The following ASB18 variants were observed in gnomAD, a reference collection of about 807,000 sequenced individuals.
The protein encoded by ASB18 is ankyrin repeat and SOCS box containing 18.
ASB18 carries 33 observed loss-of-function variants against 33.4 expected under a neutral mutation model. The ratio of observed to expected loss-of-function variants is 0.99; its 90% CI spans 0.75 to 1.32. The LOEUF is 1.32. Among genes scored for constraint, ASB18 ranks in the 40% most tolerant of loss-of-function variants. The probability of loss-of-function intolerance (pLI) is 0.00; values close to 1 mark genes in which losing one functional copy is unlikely to be tolerated. For missense variants in ASB18, 694 were observed against 655.5 expected (o/e 1.06, Z -0.64); for synonymous variants, 295 against 307.6 (o/e 0.96, Z 0.43).
At position 236,264,118 on chromosome 2, in the gene ASB18, T is replaced by TGCAGCAGGCTCGTTCTGGTTACCTA; in HGVS notation, c.203_205+22dup. On this transcript the variant is annotated intron_variant, in intron 1 of 5. Coordinates refer to ENST00000409749, the MANE Select transcript of ASB18 (RefSeq NM_212556.4). This position sits in a 1 kb window ranked among gnomAD's most constrained non-coding sequence, Gnocchi z 5.1. ...TGTAACTTAGTAATTAAATCCCAGA[T>TGCAGCAGGCTCGTTCTGGTTACCTA]GCAGCAGGCTCGTTCTGGTTACCTA... 11 of 1,609,302 alleles carry TGCAGCAGGCTCGTTCTGGTTACCTA rather than the reference T, an allele frequency of 6.8e-6. No individual in the cohort carries two copies. The highest frequency in any genetic ancestry group is 1.3e-5 in the African/African-American group (1 of 74,970).
rs950067315 is a variant in ASB18 at position 236,251,574 on chromosome 2, T to C, written c.206-10172A>G. On this transcript the variant is annotated intron_variant, in intron 1 of 5. Transcript: ENST00000409749. The surrounding 1 kb of genome is among the most constrained non-coding windows in gnomAD (Gnocchi z 5.3). ...CTTCTAGAAACGAGAAGTTTACCTA[T>C]CCTGAAGTTGAGAAGGGTGGTCTAG... Among the ~76,000 whole-genome samples, 1 of 152,186 alleles carries C rather than the reference T, an allele frequency of 6.6e-6. No homozygotes were observed. The highest frequency in any genetic ancestry group is 6.5e-5 in the Admixed American group (1 of 15,278).
intron 4 of ASB18, among the ~76,000 whole-genome samples, chr2:236,202,814 T>TATATATACACAC (rs1472095135): frequency 3.2e-5 from 4 of 126,558 alleles, no homozygotes; most frequent in African/African-American, 1.3e-4. Context: ...TATATATATA[T>TATATATACACAC]ACACACACCT....
At position 236,200,276 on chromosome 2, in the gene ASB18, G is replaced by A. The variant is rs988917354; in HGVS notation, c.1102-3891C>T. On this transcript the variant is annotated intron_variant, in intron 4 of 5. Coordinates refer to ENST00000409749, the MANE Select transcript of ASB18 (RefSeq NM_212556.4). The surrounding 1 kb of genome is among the most constrained non-coding windows in gnomAD (Gnocchi z 4.2). ...AGGTAGGAGAATTGCTTGAATCCAG[G>A]AGGTGGAGGTTGCAGTGAGCTGAGA... Among the ~76,000 whole-genome samples, 1 of 152,166 alleles carries A rather than the reference G, an allele frequency of 6.6e-6. No homozygotes were observed. Among genetic ancestry groups the A allele is most frequent in the Non-Finnish European group, 1.5e-5 (1 of 68,024 alleles).
At chr2:236,246,610 G>T (rs1014645825) in intron 1 of ASB18, among the ~76,000 whole-genome samples, 6 of 151,982 alleles carry the variant, frequency 3.9e-5, no homozygotes, top group African/African-American at 1.5e-4. Context: ...GGAACTTAGA[G>T]CCTTCGTTGG....
intron 4 of ASB18, among the ~76,000 whole-genome samples, chr2:236,198,201 C>T (rs911498706): frequency 2.6e-5 from 4 of 152,126 alleles, no homozygotes; most frequent in African/African-American, 9.7e-5. Context: ...ATTCATATTC[C>T]TCTGGCTAGA....
In ASB18 at chr2:236,259,265, G is replaced by C. The variant is rs141285704; in HGVS notation, c.205+4876C>G. Among the ~76,000 whole-genome samples, 51 of 152,346 alleles carry C rather than the reference G, an allele frequency of 3.3e-4. No individual in the cohort carries two copies. Among genetic ancestry groups the C allele is most frequent in the African/African-American group, 1.1e-3 (44 of 41,592 alleles). On this transcript the variant is annotated intron_variant, in intron 1 of 5. Coordinates refer to ENST00000409749, the MANE Select transcript of ASB18 (RefSeq NM_212556.4). This position sits in a 1 kb window ranked among gnomAD's most constrained non-coding sequence, Gnocchi z 4.4. ...TGGAAATGCAGTCTGTGCCCACCCAGCTGAAGGTGAGCAAAGGAGCTTAGC... is the reference window on the plus strand; with the variant it reads ...TGGAAATGCAGTCTGTGCCCACCCACCTGAAGGTGAGCAAAGGAGCTTAGC...
In ASB18 at chr2:236,213,875, G is replaced by A. The variant is rs1235427066; in HGVS notation, c.1101+487C>T. ...TGAGAGAAGTCTGCAAATGTACGAA[G>A]CACTCTCATTAACAAGGTGGATGAT... On this transcript the variant is annotated intron_variant, in intron 4 of 5. Coordinates refer to ENST00000409749, the MANE Select transcript of ASB18 (RefSeq NM_212556.4). This position sits in a 1 kb window ranked among gnomAD's most constrained non-coding sequence, Gnocchi z 4.8. 1 of 164,306 alleles carries A rather than the reference G, an allele frequency of 6.1e-6. No homozygotes were observed. The highest frequency in any genetic ancestry group is 1.3e-5 in the Non-Finnish European group (1 of 75,458). 10.2% of individuals were successfully genotyped at this position (164,306 alleles called of 1,614,324 possible). A position where few individuals can be genotyped will look rare whatever the true frequency, so the allele number is the denominator to read the frequency against.
In ASB18 at chr2:236,216,650, C is replaced by T. The variant is rs1234136240; in HGVS notation, c.597-1784G>A. ...TCACTGTCCTTTGTTGAGGCCACAT[C>T]GTTTCTCGGAATGCTTATAAGTCTC... On this transcript the variant is annotated intron_variant, in intron 3 of 5. Transcript: ENST00000409749. The surrounding 1 kb of genome is among the most constrained non-coding windows in gnomAD (Gnocchi z 6.1). Among the ~76,000 whole-genome samples the T allele has an allele frequency of 6.6e-6, 1 of 152,196 alleles. No individual in the cohort carries two copies. The highest frequency in any genetic ancestry group is 2.4e-5 in the African/African-American group (1 of 41,456).
chr2:236,194,842 A>G lies in ASB18; in HGVS notation c.*30T>C, dbSNP rs770980139. On this transcript the variant is annotated 3_prime_UTR_variant, in exon 6 of 6. Transcript: ENST00000409749. This position sits in a 1 kb window ranked among gnomAD's most constrained non-coding sequence, Gnocchi z 4.5. Reference sequence around the variant, plus strand: ...CCTCCATGGAAGGTCAGCGAGGAGAACAACAGTATTGGTTGCAGCGTTCTG... The same window carrying G: ...CCTCCATGGAAGGTCAGCGAGGAGAGCAACAGTATTGGTTGCAGCGTTCTG... 2 of 1,592,032 alleles carry G rather than the reference A, an allele frequency of 1.3e-6. No homozygotes were observed. Among genetic ancestry groups the G allele is most frequent in the South Asian group, 1.1e-5 (1 of 87,644 alleles).
chr2:236,212,490 G>T lies in ASB18; in HGVS notation c.1101+1872C>A, dbSNP rs575223063. ...GGCTAACAAAGGATTATTTCTAGTC[G>T]CTACTGAAATATATTGACTCCTTTT... On this transcript the variant is annotated intron_variant, in intron 4 of 5. Transcript: ENST00000409749. Among the ~76,000 whole-genome samples, 59 of 152,242 alleles carry T rather than the reference G, an allele frequency of 3.9e-4. 1 individual carries two copies. The highest frequency in any genetic ancestry group is 2.8e-3 in the Admixed American group (43 of 15,298).
rs1030515431 is a variant in ASB18, at chr2:236,214,634, C to T, written c.829G>A (p.Ala277Thr). Reference protein sequence around the residue: ...DEHGRCLRLCALLLRRGAEAD... With the variant: ...DEHGRCLRLCTLLLRRGAEAD... ...TCCGCCCCGCGCCGCAGCAGCAGCG[C>T]GCACAGGCGCAGGCAGCGCCCGTGC... Residue 277 changes from alanine to threonine, a missense_variant, in exon 4 of 6, where the codon GCG becomes ACG. Transcript: ENST00000409749. This position sits in a 1 kb window ranked among gnomAD's most constrained non-coding sequence, Gnocchi z 6.5. The T allele has an allele frequency of 1.0e-3, 1,186 of 1,181,256 alleles. 1 individual carries two copies. Among genetic ancestry groups the T allele is most frequent in the Admixed American group, 3.1e-3 (66 of 21,274 alleles). The allele number at this position is 1,181,256 out of a possible 1,614,324, so 73.2% of individuals were successfully genotyped here. A position where few individuals can be genotyped will look rare whatever the true frequency, so the allele number is the denominator to read the frequency against.
At chr2:236,224,253 G>C (rs116449565) in intron 3 of ASB18, among the ~76,000 whole-genome samples, 3,267 of 112,096 alleles carry the variant, frequency 0.029, 144 homozygotes, top group African/African-American at 0.1. Context: ...ATATTTATTT[G>C]TGGTCTCATT....
In ASB18 at chr2:236,214,956, C is replaced by T. The variant is rs1271160491; in HGVS notation, c.597-90G>A. On this transcript the variant is annotated intron_variant, in intron 3 of 5. Transcript: ENST00000409749. This position sits in a 1 kb window ranked among gnomAD's most constrained non-coding sequence, Gnocchi z 6.5. ...CCTGCTGCTGCAAAATATCAAGTGACCTCTGAATGAAAAGACATGCTCCGC... is the reference window on the plus strand; with the variant it reads ...CCTGCTGCTGCAAAATATCAAGTGATCTCTGAATGAAAAGACATGCTCCGC... The T allele has an allele frequency of 9.5e-7, 1 of 1,048,854 alleles. No individual in the cohort carries two copies. Among genetic ancestry groups the T allele is most frequent in the African/African-American group, 1.7e-5 (1 of 59,020 alleles). The allele number at this position is 1,048,854 out of a possible 1,614,324, so 65.0% of individuals were successfully genotyped here. A position where few individuals can be genotyped will look rare whatever the true frequency, so the allele number is the denominator to read the frequency against.
At position 236,250,981 on chromosome 2, in the gene ASB18, G is replaced by T. The variant is rs1283945395; in HGVS notation, c.206-9579C>A. On this transcript the variant is annotated intron_variant, in intron 1 of 5. Transcript: ENST00000409749. The surrounding 1 kb of genome is among the most constrained non-coding windows in gnomAD (Gnocchi z 4.1). ...GCATCTATTAATAATGACTTAAATT[G>T]TCTGTGCTGATTTCACATTATTAAG... Among the ~76,000 whole-genome samples the T allele has an allele frequency of 6.6e-6, 1 of 152,190 alleles. No homozygotes were observed. The highest frequency in any genetic ancestry group is 1.5e-5 in the Non-Finnish European group (1 of 68,038).
intron 4 of ASB18, among the ~76,000 whole-genome samples, chr2:236,206,926 G>T (rs1438869217): frequency 6.6e-6 from 1 of 152,248 alleles, no homozygotes; most frequent in Non-Finnish European, 1.5e-5. Context: ...ACCCACTGGG[G>T]ACTGGGGCCA....
rs1430777375 is a variant in ASB18 at position 236,217,290 on chromosome 2, C to G, written c.597-2424G>C. On this transcript the variant is annotated intron_variant, in intron 3 of 5. Coordinates refer to ENST00000409749, the MANE Select transcript of ASB18 (RefSeq NM_212556.4). The surrounding 1 kb of genome is among the most constrained non-coding windows in gnomAD (Gnocchi z 5.2). The stretch of plus-strand genomic sequence containing the variant: ...GGCATAGTGGTGGATGCATGTAATC[C>G]CAGCCACTCGGGAGGCTGAGGCAGG... Among the ~76,000 whole-genome samples the G allele has an allele frequency of 6.6e-6, 1 of 151,894 alleles. No homozygotes were observed. The highest frequency in any genetic ancestry group is 1.5e-5 in the Non-Finnish European group (1 of 67,982).
chr2:236,250,469 C>A lies in ASB18; in HGVS notation c.206-9067G>T, dbSNP rs1216136692. On this transcript the variant is annotated intron_variant, in intron 1 of 5. Coordinates refer to ENST00000409749, the MANE Select transcript of ASB18 (RefSeq NM_212556.4). This position sits in a 1 kb window ranked among gnomAD's most constrained non-coding sequence, Gnocchi z 4.1. ...CAGACAGGGGCAGGAAGTCATTACT[C>A]TTGTGGACATTGTGAAATTCCGTGC... 1 of 152,260 alleles carries A rather than the reference C, an allele frequency of 6.6e-6. No individual in the cohort carries two copies. Among genetic ancestry groups the A allele is most frequent in the Non-Finnish European group, 1.5e-5 (1 of 68,056 alleles). 9.4% of individuals were successfully genotyped at this position (152,260 alleles called of 1,614,324 possible). A position where few individuals can be genotyped will look rare whatever the true frequency, so the allele number is the denominator to read the frequency against.
rs542399509 is a variant in ASB18, at chr2:236,208,273, G to A, written c.1101+6089C>T. Among the ~76,000 whole-genome samples the A allele has an allele frequency of 1.2e-4, 19 of 152,104 alleles. No homozygotes were observed. Among genetic ancestry groups the A allele is most frequent in the African/African-American group, 4.1e-4 (17 of 41,516 alleles). ...TCTCGCCAGCCCTGTCCCTCTCTGCGCCCCACACATGTTGATATTTCTGGC... is the reference window on the plus strand; with the variant it reads ...TCTCGCCAGCCCTGTCCCTCTCTGCACCCCACACATGTTGATATTTCTGGC... On this transcript the variant is annotated intron_variant, in intron 4 of 5. Transcript: ENST00000409749. This position sits in a 1 kb window ranked among gnomAD's most constrained non-coding sequence, Gnocchi z 7.7.
chr2:236,225,779 T>C lies in ASB18; in HGVS notation c.597-10913A>G, dbSNP rs2060534372. Among the ~76,000 whole-genome samples the C allele has an allele frequency of 6.7e-6, 1 of 149,792 alleles. No individual in the cohort carries two copies. Among genetic ancestry groups the C allele is most frequent in the Non-Finnish European group, 1.5e-5 (1 of 67,542 alleles). On this transcript the variant is annotated intron_variant, in intron 3 of 5. Transcript: ENST00000409749. This position sits in a 1 kb window ranked among gnomAD's most constrained non-coding sequence, Gnocchi z 5.1. Reference sequence around the variant, plus strand: ...ATTCTGAATTCTGAAGCTTGCTGGTTGGAAGGAAGCACAGGTAATTTTTTT... The same window carrying C: ...ATTCTGAATTCTGAAGCTTGCTGGTCGGAAGGAAGCACAGGTAATTTTTTT...
Sources: gnomAD v4.1 joint callset for allele counts (sites outside exome capture counted in the v4.1 genomes callset) on GRCh38, gnomAD v4.1.1 for gene constraint, Gnocchi (gnomAD v3.1) non-coding constraint, MANE v1.5 for transcripts, NCBI Gene and HGNC (gene_info 2026-07-23, HGNC 2026-07-21) for gene names.